The following VPS54 variants were observed in gnomAD, a reference collection of about 807,000 sequenced individuals.
VPS54 encodes VPS54 subunit of GARP complex, also known as vacuolar protein sorting-associated protein 54.
In VPS54, 45 loss-of-function variants were observed where a neutral mutation model predicts 121.5. That is an observed-to-expected ratio of 0.37 (90% CI 0.29 to 0.47). The LOEUF (loss-of-function observed/expected upper bound fraction) is 0.47, where lower values mean the gene tolerates loss of function less well. Ranked by LOEUF, VPS54 falls within the 20% of genes least tolerant of loss-of-function variation. VPS54 has a pLI of 0.99. For missense variants in VPS54, 1,090 were observed against 1,131.4 expected (o/e 0.96, Z 0.52); for synonymous variants, 371 against 385.8 (o/e 0.96, Z 0.45).
chr2:63,991,378 A>C (rs1217073154), intron 1 of VPS54, among the ~76,000 whole-genome samples: 17 of 152,218 alleles, frequency 1.1e-4, no homozygotes, highest in Admixed American at 1.1e-3. Flanking sequence ...TCCAATGACA[A>C]AATTTACCTG....
intron 12 of VPS54, among the ~76,000 whole-genome samples, chr2:63,930,057 G>T (rs1674113280): frequency 6.6e-6 from 1 of 152,176 alleles, no homozygotes; most frequent in Non-Finnish European, 1.5e-5. Flanking sequence ...GGACCAGACA[G>T]ATTCACAGCT....
chr2:63,925,189 C>T (rs1673840369), intron 12 of VPS54, among the ~76,000 whole-genome samples: 1 of 152,168 alleles, frequency 6.6e-6, no homozygotes, highest in Non-Finnish European at 1.5e-5. Context: ...ATATAAACAA[C>T]CTTCACAGAT....
chr2:63,947,579 T>C, intron 8 of VPS54, 89 bp from the exon 9 acceptor site: 1 of 1,102,010 alleles, frequency 9.1e-7, no homozygotes, highest in South Asian at 1.7e-5. Flanking sequence ...GAGTTCTGTT[T>C]GATCCTCAGA....
At chr2:63,981,600 TC>T in intron 3 of VPS54, 45 bp downstream of exon 3, 1 of 1,510,316 alleles carries the variant, frequency 6.6e-7, no homozygotes, top group Non-Finnish European at 8.8e-7. Context: ...TAAAAATATT[TC>T]TATTACTTTT....
rs1429132212 is a variant in VPS54, at chr2:63,981,783, T to G, written c.241A>C (p.Arg81=). 1.1e-5 allele frequency: 17 copies of G among 1,613,846 alleles called. No individual in the cohort carries two copies. Among genetic ancestry groups the G allele is most frequent in the Non-Finnish European group, 1.4e-5 (17 of 1,179,824 alleles). The change falls in exon 3 of 23, where the codon AGA becomes CGA. Residue 81 remains arginine (R), a synonymous_variant. Coordinates refer to ENST00000272322, the MANE Select transcript of VPS54 (RefSeq NM_016516.3). ...AAGTCAGATTCTCTTTTTGCTAATCTAGGATCGTTTAATGCTGCTGGGAGA... is the reference window on the plus strand; with the variant it reads ...AAGTCAGATTCTCTTTTTGCTAATCGAGGATCGTTTAATGCTGCTGGGAGA... The part of the protein sequence containing the change: ...VNLPAALNDP[R]LAKRESDFFT...
chr2:63,911,164 T>C (rs555487971), intron 20 of VPS54, among the ~76,000 whole-genome samples: 1 of 152,346 alleles, frequency 6.6e-6, no homozygotes, highest in East Asian at 1.9e-4. Flanking sequence ...AAGAATGCTG[T>C]ATATCAAAAA....
intron 7 of VPS54, among the ~76,000 whole-genome samples, chr2:63,958,316 G>A (rs1257502449): frequency 6.6e-6 from 1 of 151,936 alleles, no homozygotes; most frequent in African/African-American, 2.4e-5. Flanking sequence ...AATACAGAAG[G>A]AATGAGAAAA....
At chr2:63,961,752 C>T (rs1675781673) in intron 7 of VPS54, among the ~76,000 whole-genome samples, 1 of 152,090 alleles carries the variant, frequency 6.6e-6, no homozygotes, top group South Asian at 2.1e-4. Flanking sequence ...CTTGACCTAC[C>T]ATTGTGACAC....
intron 3 of VPS54, among the ~76,000 whole-genome samples, chr2:63,976,059 C>T (rs1475152389): frequency 6.6e-6 from 1 of 152,150 alleles, no homozygotes; most frequent in African/African-American, 2.4e-5. Context: ...GAAATTTCTT[C>T]CTGTTCCTAG....
In VPS54 at chr2:63,908,139, AT is replaced by A. The variant is rs1292883861; in HGVS notation, c.2625+4205del. Among the ~76,000 whole-genome samples, 4 of 152,244 alleles carry A rather than the reference AT, an allele frequency of 2.6e-5. No individual in the cohort carries two copies. In the East Asian group the frequency reaches 7.7e-4, roughly 29 times the overall value. ...ATGTAAGCTTATAACAGCTTTCTTCATAACAGCCAAAAACTGGAGAAAATTC... is the reference window on the plus strand; with the variant it reads ...ATGTAAGCTTATAACAGCTTTCTTCAAACAGCCAAAAACTGGAGAAAATTC... On this transcript the variant is annotated intron_variant, in intron 20 of 22. Transcript: ENST00000272322.
chr2:63,894,772 A>G (rs1205147278), intron 22 of VPS54, among the ~76,000 whole-genome samples: 1 of 152,192 alleles, frequency 6.6e-6, no homozygotes, highest in East Asian at 1.9e-4. Context: ...ACATATATCA[A>G]CATAGATAAA....
chr2:63,941,894 C>T (rs548597562), intron 11 of VPS54, among the ~76,000 whole-genome samples: 4 of 151,836 alleles, frequency 2.6e-5, no homozygotes, highest in South Asian at 4.2e-4. Flanking sequence ...ATTAGCCAGG[C>T]GTGGTGGCAC....
At chr2:63,987,730 TAG>T (rs922082574) in intron 1 of VPS54, among the ~76,000 whole-genome samples, 6 of 152,232 alleles carry the variant, frequency 3.9e-5, no homozygotes, top group African/African-American at 1.4e-4. Context: ...GCTTTCACTG[TAG>T]AGACTTTTCA....
At chr2:63,942,402 T>C (rs1282892764) in intron 11 of VPS54, 63 bp downstream of exon 11, 1 of 1,131,868 alleles carries the variant, frequency 8.8e-7, no homozygotes, top group African/African-American at 1.6e-5. Context: ...ATTTACATAT[T>C]ATGTATCTAG....
At chr2:63,948,143 T>G (rs1005010335) in intron 8 of VPS54, among the ~76,000 whole-genome samples, 1 of 152,124 alleles carries the variant, frequency 6.6e-6, no homozygotes, top group Non-Finnish European at 1.5e-5. Flanking sequence ...TGCTTTGTAA[T>G]GCATAGTCTA....
Position 63,949,141 on chromosome 2 carries a change from C to T in VPS54, c.1033G>A (p.Glu345Lys), listed in dbSNP as rs750834732. 1 of 1,610,016 alleles carries T rather than the reference C, an allele frequency of 6.2e-7. No homozygotes were observed. The highest frequency in any genetic ancestry group is 8.5e-7 in the Non-Finnish European group (1 of 1,179,082). Reference protein sequence around the residue: ...SFRHLGSQLCELEKLIDKMMI... With the variant: ...SFRHLGSQLCKLEKLIDKMMI... Reference sequence around the variant, plus strand: ...ATTTTATCTATCAGTTTTTCTAATTCACAAAGCTGTGATCCCAAATGCCTA... The same window carrying T: ...ATTTTATCTATCAGTTTTTCTAATTTACAAAGCTGTGATCCCAAATGCCTA... Residue 345 changes from glutamate to lysine, a missense_variant, in exon 8 of 23, where the codon GAA becomes AAA. This residue lies in a region of VPS54 where 801 missense variants were observed against 757.0 expected (regional missense o/e 1.06). Coordinates refer to ENST00000272322, the MANE Select transcript of VPS54 (RefSeq NM_016516.3).
At chr2:63,895,282 C>T (rs1368278803) in intron 22 of VPS54, among the ~76,000 whole-genome samples, 3 of 152,036 alleles carry the variant, frequency 2.0e-5, no homozygotes, top group Non-Finnish European at 2.9e-5. Context: ...ATGGTAAAAC[C>T]GTCTCTACTA....
At chr2:63,995,976 C>CCAGAG (rs1161504934) in intron 1 of VPS54, among the ~76,000 whole-genome samples, 8 of 152,196 alleles carry the variant, frequency 5.3e-5, no homozygotes, top group African/African-American at 1.7e-4. Flanking sequence ...TGGATTAAGT[C>CCAGAG]TATTGGGGGC....
chr2:63,933,405 T>C (rs903313214), intron 12 of VPS54, among the ~76,000 whole-genome samples: 1 of 152,160 alleles, frequency 6.6e-6, no homozygotes, highest in Non-Finnish European at 1.5e-5. Flanking sequence ...TGGGCATCAA[T>C]TACCTTATCA....
Sources: allele counts gnomAD v4.1 joint callset (sites outside exome capture counted in the v4.1 genomes callset), GRCh38; gene constraint gnomAD v4.1.1; regional missense constraint gnomAD v4.1.1; transcripts MANE v1.5; gene names NCBI Gene and HGNC (gene_info 2026-07-23, HGNC 2026-07-21).